FREM2: variants seen among roughly 807,000 people sequenced by gnomAD.
The protein encoded by FREM2 is FRAS1 related extracellular matrix 2.
In FREM2, 119 loss-of-function variants were observed where a neutral mutation model predicts 219.9. The observed-to-expected ratio is 0.54, with a 90% CI of 0.47 to 0.63. The LOEUF is 0.63. Ranked by LOEUF, FREM2 falls within the 30% of genes least tolerant of loss-of-function variation. FREM2 has a pLI of 0.00. For synonymous variants in FREM2, 1,562 were observed against 1,522.8 expected (o/e 1.03, Z -0.60); for missense variants, 4,030 against 3,993.6 (o/e 1.01, Z -0.25).
At chr13:38,877,362 A>G (rs544904561) in intron 21 of FREM2, 119 bp downstream of exon 21, 1 of 1,134,444 alleles carries the variant, frequency 8.8e-7, no homozygotes, top group Admixed American at 1.7e-5. Context: ...TTGAGAATGT[A>G]ACTGGGTCTT....
Position 38,876,382 on chromosome 13 carries a change from G to A in FREM2, c.8544G>A (p.Gln2848=). 6.2e-7 allele frequency: 1 copy of A among 1,612,976 alleles called. No individual in the cohort carries two copies. The highest frequency in any genetic ancestry group is 8.5e-7 in the Non-Finnish European group (1 of 1,179,434). The stretch of plus-strand genomic sequence containing the variant: ...TTGACCTTGACATCCGATTCCAACA[G>A]GTGTGGCTTATAGAATTACTATCTT... ...VTFDLDIRFQ[Q]VSDPVAAEFS... is the part of the protein sequence containing the mutation. Residue 2848 remains glutamine, a splice_region_variant and synonymous_variant, in exon 20 of 24, where the codon CAG becomes CAA. Transcript: ENST00000280481.
chr13:38,775,138 A>C (rs1873820303), intron 4 of FREM2, among the ~76,000 whole-genome samples: 10 of 152,246 alleles, frequency 6.6e-5, no homozygotes, highest in Admixed American at 6.5e-4. Context: ...TGAATGAGCC[A>C]AACCGATTTC....
chr13:38,809,383 T>C (rs529738150), intron 6 of FREM2, among the ~76,000 whole-genome samples: 6 of 151,988 alleles, frequency 3.9e-5, no homozygotes, highest in African/African-American at 1.4e-4. Flanking sequence ...TGGGGTATTG[T>C]GCAAGAGATT....
At chr13:38,717,412 C>CTTTTTTTTTTTTTTTTTTT (rs386378868) in intron 2 of FREM2, among the ~76,000 whole-genome samples, 1 of 90,146 alleles carries the variant, frequency 1.1e-5, no homozygotes, top group African/African-American at 4.1e-5. Context: ...TACATAAGTA[C>CTTTTTTTTTTTTTTTTTTT]TTTTTTTTTT....
intron 21 of FREM2, among the ~76,000 whole-genome samples, chr13:38,877,730 A>T (rs1303765168): frequency 6.6e-6 from 1 of 152,122 alleles, no homozygotes; most frequent in East Asian, 1.9e-4. Context: ...GAAACAAATA[A>T]CGTTAATTAG....
At chr13:38,875,345 C>CT (rs1343056120) in intron 18 of FREM2, among the ~76,000 whole-genome samples, 4 of 151,994 alleles carry the variant, frequency 2.6e-5, no homozygotes, top group African/African-American at 9.7e-5. Flanking sequence ...GACTTGAACT[C>CT]TAACAAAAGA....
chr13:38,798,922 T>C (rs1401229940), intron 6 of FREM2, among the ~76,000 whole-genome samples: 1 of 152,004 alleles, frequency 6.6e-6, no homozygotes, highest in Non-Finnish European at 1.5e-5. Flanking sequence ...GAACCAACTT[T>C]TTCTTTCACA....
chr13:38,846,872 T>C (rs932672705), intron 7 of FREM2, 150 bp downstream of exon 7: 6 of 859,156 alleles, frequency 7.0e-6, no homozygotes, highest in African/African-American at 3.4e-5. Flanking sequence ...AGGAGGTAAA[T>C]CTAGGCTTTA....
At chr13:38,855,297 T>C (rs1028499855) in intron 11 of FREM2, among the ~76,000 whole-genome samples, 1 of 152,198 alleles carries the variant, frequency 6.6e-6, no homozygotes, top group Non-Finnish European at 1.5e-5. Flanking sequence ...TGAAATATAA[T>C]TTGGTATTTT....
chr13:38,708,510 TG>T (rs1870629851), intron 2 of FREM2, among the ~76,000 whole-genome samples: 1 of 151,828 alleles, frequency 6.6e-6, no homozygotes, highest in East Asian at 2.0e-4. Flanking sequence ...AAAAATTAGC[TG>T]GGCCTGGTAG....
rs1449098967 is a variant in FREM2, at chr13:38,868,039, C to T, written c.7983+3433C>T. Among the ~76,000 whole-genome samples, 5 of 152,262 alleles carry T rather than the reference C, an allele frequency of 3.3e-5. No homozygotes were observed. In the East Asian group the frequency reaches 5.8e-4, roughly 18 times the overall value. On this transcript the variant is annotated intron_variant, in intron 16 of 23. Transcript: ENST00000280481. Reference sequence around the variant, plus strand: ...ACCTAAAATTAACCATCATAGATGGCGGTCCCATTTTCTTCTACCTTCTTC... The same window carrying T: ...ACCTAAAATTAACCATCATAGATGGTGGTCCCATTTTCTTCTACCTTCTTC...
At chr13:38,769,112 T>C (rs1267415019) in intron 3 of FREM2, among the ~76,000 whole-genome samples, 1 of 152,260 alleles carries the variant, frequency 6.6e-6, no homozygotes, top group Non-Finnish European at 1.5e-5. Flanking sequence ...TGGCCATTTA[T>C]GACTTAGATT....
intron 12 of FREM2, 21 bp downstream of exon 12, chr13:38,856,277 G>A: frequency 6.2e-7 from 1 of 1,606,538 alleles, no homozygotes; most frequent in South Asian, 1.1e-5. Flanking sequence ...TAATGTGTAT[G>A]TAAATTCATG....
chr13:38,690,076 C>T lies in FREM2; in HGVS notation c.2732C>T (p.Thr911Ile). ...GCCCATAATGGGGACAAGTCCCTGA[C>T]TGATAGCTGCTCCTTGGAAGTCAGT... ...SYAHNGDKSL[T>I]DSCSLEVSDR... Residue 911 changes from threonine to isoleucine, a missense_variant, in exon 1 of 24, where the codon ACT (threonine) becomes ATT (isoleucine). This residue lies in a region of FREM2 where 3,102 missense variants were observed against 2,950.7 expected (regional missense o/e 1.05). Transcript: ENST00000280481. The T allele has an allele frequency of 1.9e-6, 3 of 1,614,102 alleles. No individual in the cohort carries two copies. The highest frequency in any genetic ancestry group is 2.5e-6 in the Non-Finnish European group (3 of 1,180,030).
chr13:38,781,188 TGGC>T (rs1166096238), intron 4 of FREM2, among the ~76,000 whole-genome samples: 1 of 151,688 alleles, frequency 6.6e-6, no homozygotes, highest in Admixed American at 6.6e-5. Flanking sequence ...ACTGGCCTCC[TGGC>T]TATTCCTTGT....
intron 2 of FREM2, among the ~76,000 whole-genome samples, chr13:38,756,751 G>A (rs1464330474): frequency 1.3e-5 from 2 of 151,462 alleles, no homozygotes; most frequent in South Asian, 2.1e-4. Flanking sequence ...TGTTGGCCAC[G>A]CTGGTTTTTA....
At chr13:38,773,132 A>G (rs1873735612) in intron 4 of FREM2, among the ~76,000 whole-genome samples, 1 of 152,186 alleles carries the variant, frequency 6.6e-6, no homozygotes, top group Non-Finnish European at 1.5e-5. Flanking sequence ...ATTTTAAATG[A>G]CTATGTATTT....
chr13:38,723,998 C>G (rs1871407355), intron 2 of FREM2, among the ~76,000 whole-genome samples: 1 of 152,206 alleles, frequency 6.6e-6, no homozygotes, highest in Admixed American at 6.5e-5. Context: ...CTTACTGGCT[C>G]TGCTACAATG....
At chr13:38,778,557 G>A (rs891867477) in intron 4 of FREM2, among the ~76,000 whole-genome samples, 7 of 152,094 alleles carry the variant, frequency 4.6e-5, no homozygotes, top group African/African-American at 9.6e-5. Flanking sequence ...AATACAGGAC[G>A]AACACAAACA....
Sources: gnomAD v4.1 joint callset for allele counts (sites outside exome capture counted in the v4.1 genomes callset) on GRCh38, gnomAD v4.1.1 for gene constraint, gnomAD v4.1.1 regional missense constraint, MANE v1.5 for transcripts, NCBI Gene and HGNC (gene_info 2026-07-23, HGNC 2026-07-21) for gene names.